ANKRD13D: variants seen among roughly 807,000 people sequenced by gnomAD.
The protein encoded by ANKRD13D is ankyrin repeat domain 13D.
A neutral mutation model predicts 68.8 loss-of-function variants in ANKRD13D; 24 were observed. The observed-to-expected ratio is 0.35, with a 90% CI of 0.25 to 0.49. The LOEUF (loss-of-function observed/expected upper bound fraction) is 0.49. Ranked by LOEUF, ANKRD13D falls within the 20% of genes least tolerant of loss-of-function variation. The pLI, the probability that ANKRD13D is intolerant of heterozygous loss-of-function variation, is 0.99. For synonymous variants in ANKRD13D, 331 were observed against 336.1 expected (o/e 0.98, Z 0.16); for missense variants, 735 against 832.1 (o/e 0.88, Z 1.44).
intron 6 of ANKRD13D, 76 bp from the exon 7 acceptor site, chr11:67,298,982 G>C: frequency 6.5e-7 from 1 of 1,529,276 alleles, no homozygotes; most frequent in South Asian, 1.1e-5. Context: ...GCTGGCTGGA[G>C]GGGGCTTTGG....
chr11:67,289,876 G>T, intron 1 of ANKRD13D: 1 of 1,430,228 alleles, frequency 7.0e-7, no homozygotes, highest in East Asian at 2.5e-5. Flanking sequence ...ACCAGGCCCC[G>T]CCGCCAGACC....
In ANKRD13D at chr11:67,301,065, A is replaced by C. The variant is rs781010010; in HGVS notation, c.1149A>C (p.Leu383=). ...LGDQVTPIID[L]MAISNAHFAK... is the part of the protein sequence containing the mutation. ...ACCAGGTGACCCCCATCATCGACCT[A>C]ATGGCCATCAGCAACGCTCACTTTG... Residue 383 remains leucine, a synonymous_variant, in exon 11 of 15, where the codon CTA becomes CTC. Transcript: ENST00000511455. This position sits in a 1 kb window ranked among gnomAD's most constrained non-coding sequence, Gnocchi z 4.5. The C allele has an allele frequency of 1.1e-5, 17 of 1,613,830 alleles. No individual in the cohort carries two copies. In the African/African-American group the frequency reaches 1.6e-4, roughly 15 times the overall value.
At chr11:67,296,048 C>T (rs1403979381) in intron 6 of ANKRD13D, among the ~76,000 whole-genome samples, 1 of 152,138 alleles carries the variant, frequency 6.6e-6, no homozygotes, top group Admixed American at 6.5e-5. Flanking sequence ...TTGAACCAAC[C>T]TTGCATTCCT....
chr11:67,290,475 G>A (rs773390094), intron 3 of ANKRD13D, 29 bp downstream of exon 3: 15 of 1,544,160 alleles, frequency 9.7e-6, no homozygotes, highest in Non-Finnish European at 1.3e-5. Flanking sequence ...ATGGAGGTGG[G>A]GTACCATGGC....
rs778453200 is a variant in ANKRD13D, at chr11:67,301,189, G to C, written c.1231+42G>C. The stretch of plus-strand genomic sequence containing the variant: ...AGGCAGCGGGAGGACCTCAGGCATG[G>C]CACCCTCCCTCAGCGCAGTCCCTGG... On this transcript the variant is annotated intron_variant, in intron 11 of 14. Coordinates refer to ENST00000511455, the MANE Select transcript of ANKRD13D (RefSeq NM_207354.3). The surrounding 1 kb of genome is among the most constrained non-coding windows in gnomAD (Gnocchi z 4.5). The C allele has an allele frequency of 6.2e-7, 1 of 1,605,602 alleles. No individual in the cohort carries two copies. Among genetic ancestry groups the C allele is most frequent in the Admixed American group, 1.7e-5 (1 of 59,584 alleles).
Position 67,300,982 on chromosome 11 carries a change from C to T in ANKRD13D, c.1074-8C>T, listed in dbSNP as rs1223966426. 1.9e-6 allele frequency: 3 copies of T among 1,613,416 alleles called. No homozygotes were observed. The East Asian group carries it at 6.7e-5, about 36-fold the overall frequency. ...TGCCTCACCCATGTCCTGTGGTCGG[C>T]TGGGCAGGTTCAAGGCAACACTGTG... On this transcript the variant is annotated splice_polypyrimidine_tract_variant and splice_region_variant and intron_variant, in intron 10 of 14. Transcript: ENST00000511455. The surrounding 1 kb of genome is among the most constrained non-coding windows in gnomAD (Gnocchi z 4.3).
chr11:67,301,712 G>T lies in ANKRD13D; in HGVS notation c.1513-20G>T. The T allele has an allele frequency of 6.2e-7, 1 of 1,611,284 alleles. No homozygotes were observed. Among genetic ancestry groups the T allele is most frequent in the Non-Finnish European group, 8.5e-7 (1 of 1,179,632 alleles). ...CAGCCACACGGCAGAAGTGACAGCT[G>T]TGGGCTCTGGTGGCTGCAGGTGACC... On this transcript the variant is annotated intron_variant, in intron 13 of 14. Coordinates refer to ENST00000511455, the MANE Select transcript of ANKRD13D (RefSeq NM_207354.3). The surrounding 1 kb of genome is among the most constrained non-coding windows in gnomAD (Gnocchi z 4.5).
At chr11:67,290,259 G>T in intron 2 of ANKRD13D, 46 bp downstream of exon 2, 1 of 1,545,422 alleles carries the variant, frequency 6.5e-7, no homozygotes, top group Non-Finnish European at 8.7e-7. Flanking sequence ...GCAGGCGGGG[G>T]GCAGTGAGCA....
At chr11:67,293,717 T>G (rs376389455) in intron 6 of ANKRD13D, among the ~76,000 whole-genome samples, 1 of 152,198 alleles carries the variant, frequency 6.6e-6, no homozygotes, top group Non-Finnish European at 1.5e-5. Context: ...TTTGTAGAGA[T>G]AGAGTCTACA....
At position 67,299,762 on chromosome 11, in the gene ANKRD13D, G is replaced by T; in HGVS notation, c.881-65G>T. On this transcript the variant is annotated intron_variant, in intron 8 of 14. Transcript: ENST00000511455. This position sits in a 1 kb window ranked among gnomAD's most constrained non-coding sequence, Gnocchi z 6.2. ...TTCCCCCAGACAGTAGGCTCCAGGG[G>T]TGGAGGTGGGCAGGGGCGATGCGAG... 6.5e-7 allele frequency: 1 copy of T among 1,535,408 alleles called. No individual in the cohort carries two copies. The highest frequency in any genetic ancestry group is 8.8e-7 in the Non-Finnish European group (1 of 1,138,930).
At chr11:67,289,957 A>G in intron 1 of ANKRD13D, 121 bp from the exon 2 acceptor site, 1 of 1,441,364 alleles carries the variant, frequency 6.9e-7, no homozygotes, top group Non-Finnish European at 9.1e-7. Context: ...ACCCTCTGCC[A>G]TCTCCCTGGT....
At chr11:67,290,255 G>T (rs1370258487) in intron 2 of ANKRD13D, 42 bp downstream of exon 2, 7 of 1,544,056 alleles carry the variant, frequency 4.5e-6, no homozygotes, top group South Asian at 2.4e-5. Flanking sequence ...GCTGGCAGGC[G>T]GGGGGCAGTG....
chr11:67,301,192 C>T lies in ANKRD13D; in HGVS notation c.1231+45C>T, dbSNP rs748649183. 3 of 1,604,694 alleles carry T rather than the reference C, an allele frequency of 1.9e-6. No individual in the cohort carries two copies. The highest frequency in any genetic ancestry group is 2.6e-6 in the Non-Finnish European group (3 of 1,174,714). ...CAGCGGGAGGACCTCAGGCATGGCA[C>T]CCTCCCTCAGCGCAGTCCCTGGAGA... On this transcript the variant is annotated intron_variant, in intron 11 of 14. Coordinates refer to ENST00000511455, the MANE Select transcript of ANKRD13D (RefSeq NM_207354.3). This position sits in a 1 kb window ranked among gnomAD's most constrained non-coding sequence, Gnocchi z 4.5.
intron 2 of ANKRD13D, 48 bp downstream of exon 2, chr11:67,290,261 C>T: frequency 1.3e-6 from 2 of 1,545,166 alleles, no homozygotes; most frequent in Non-Finnish European, 1.7e-6. Flanking sequence ...AGGCGGGGGG[C>T]AGTGAGCAGC....
intron 6 of ANKRD13D, among the ~76,000 whole-genome samples, chr11:67,295,156 G>T (rs1359306712): frequency 6.6e-6 from 1 of 152,130 alleles, no homozygotes; most frequent in Non-Finnish European, 1.5e-5. Context: ...GGTGGCTCAC[G>T]CCTGTAATCC....
intron 6 of ANKRD13D, among the ~76,000 whole-genome samples, chr11:67,297,588 C>T (rs1211991087): frequency 2.0e-5 from 3 of 150,194 alleles, no homozygotes; most frequent in Middle Eastern, 3.5e-3. Context: ...TGCAGTGGCA[C>T]GATCTCGGCT....
Position 67,290,379 on chromosome 11 carries a change from A to G in ANKRD13D, c.284A>G (p.Tyr95Cys). 2 of 1,588,870 alleles carry G rather than the reference A, an allele frequency of 1.3e-6. No homozygotes were observed. Among genetic ancestry groups the G allele is most frequent in the Non-Finnish European group, 1.7e-6 (2 of 1,168,604 alleles). Residue 95 changes from tyrosine to cysteine, a missense_variant, in exon 3 of 15, where the codon TAT (tyrosine) becomes TGT (cysteine). Physicochemically the swap from Tyr to Cys is radical, Grantham distance 194. Transcript: ENST00000511455. ...DPEMVQLVLQ[Y>C]RDYQRATQRL... ...GAGATGGTGCAGCTGGTGCTCCAGT[A>G]TCGGGACTACCAGAGGGCCACGCAG...
Position 67,301,311 on chromosome 11 carries a change from C to T in ANKRD13D, c.1261C>T (p.Arg421Cys), listed in dbSNP as rs552457042. The change falls in exon 12 of 15, where the codon CGC becomes TGC. Residue 421 changes from arginine to cysteine, a missense_variant. Physicochemically the swap from Arg to Cys is radical, Grantham distance 180. Coordinates refer to ENST00000511455, the MANE Select transcript of ANKRD13D (RefSeq NM_207354.3). The surrounding 1 kb of genome is among the most constrained non-coding windows in gnomAD (Gnocchi z 4.5). ...TCCCCTTTTCCACGTGCTCAATGCC[C>T]GCATCACCTTCAGCAACCTGTGTGG... ...EIPLFHVLNA[R>C]ITFSNLCGCD... 1.9e-5 allele frequency: 30 copies of T among 1,613,474 alleles called. No homozygotes were observed. Among genetic ancestry groups the T allele is most frequent in the South Asian group, 1.4e-4 (13 of 91,006 alleles).
chr11:67,296,210 G>A (rs1366447198), intron 6 of ANKRD13D, among the ~76,000 whole-genome samples: 1 of 152,068 alleles, frequency 6.6e-6, no homozygotes, highest in Non-Finnish European at 1.5e-5. Context: ...TGGTATCTGG[G>A]TGATGCCTCA....
Sources: allele counts gnomAD v4.1 joint callset (sites outside exome capture counted in the v4.1 genomes callset), GRCh38; gene constraint gnomAD v4.1.1; non-coding constraint Gnocchi (gnomAD v3.1); transcripts MANE v1.5; gene names NCBI Gene and HGNC (gene_info 2026-07-23, HGNC 2026-07-21).